Variants in LMNTD1 observed in about 807,000 individuals in gnomAD.
LMNTD1 encodes lamin tail domain containing 1, also known as lamin tail domain-containing protein 1.
Under a neutral mutation model 50.9 loss-of-function variants are expected in LMNTD1, and 35 were observed. The ratio of observed to expected loss-of-function variants is 0.69; its 90% CI spans 0.53 to 0.91. LMNTD1 has a LOEUF of 0.91. Ranked by LOEUF, LMNTD1 falls within the 40% of genes least tolerant of loss-of-function variation. The pLI, the probability that LMNTD1 is intolerant of heterozygous loss-of-function variation, is 0.00. For synonymous variants in LMNTD1, 153 were observed against 161.9 expected (o/e 0.94, Z 0.42); for missense variants, 470 against 475.5 (o/e 0.99, Z 0.11).
chr12:25,527,004 CTT>C (rs890910107), intron 4 of LMNTD1, 49 bp from the exon 5 acceptor site: 1 of 1,292,334 alleles, frequency 7.7e-7, no homozygotes, highest in Non-Finnish European at 1.1e-6. Flanking sequence ...ATAGGAGTGT[CTT>C]TGACTCACTT....
intron 8 of LMNTD1, among the ~76,000 whole-genome samples, chr12:25,514,624 A>C (rs1324133994): frequency 1.3e-5 from 2 of 152,102 alleles, no homozygotes; most frequent in Non-Finnish European, 2.9e-5. Context: ...GACTACAGTC[A>C]ATAATAACTT....
intron 4 of LMNTD1, among the ~76,000 whole-genome samples, chr12:25,536,282 A>T (rs1942575566): frequency 6.6e-6 from 1 of 152,216 alleles, no homozygotes; most frequent in Non-Finnish European, 1.5e-5. Context: ...ATTCTTTTCA[A>T]GTGTACTTGG....
At chr12:25,547,413 ATGTAAG>A (rs1364351016) in intron 3 of LMNTD1, 5 of 151,820 alleles carry the variant, frequency 3.3e-5, no homozygotes, top group Admixed American at 3.3e-4. Context: ...GCTGGAGATC[ATGTAAG>A]TGTCTAGCAT....
At chr12:25,581,958 T>C (rs1489372106) in intron 1 of LMNTD1, among the ~76,000 whole-genome samples, 72 of 152,250 alleles carry the variant, frequency 4.7e-4, no homozygotes, top group Admixed American at 4.6e-3. Context: ...CGAAAGATCT[T>C]TATGCAGGAC....
chr12:25,503,379 C>G (rs1386216545), intron 9 of LMNTD1, among the ~76,000 whole-genome samples: 14 of 152,292 alleles, frequency 9.2e-5, no homozygotes, highest in East Asian at 1.9e-4. Flanking sequence ...AATTAATACT[C>G]TCTTGCTCAT....
At chr12:25,489,648 C>T (rs1938820888) in intron 9 of LMNTD1, among the ~76,000 whole-genome samples, 1 of 152,066 alleles carries the variant, frequency 6.6e-6, no homozygotes, top group African/African-American at 2.4e-5. Context: ...ATCTTGGCTC[C>T]TCCCCTCTCA....
At chr12:25,581,318 T>G (rs1945276738) in intron 1 of LMNTD1, among the ~76,000 whole-genome samples, 1 of 152,202 alleles carries the variant, frequency 6.6e-6, no homozygotes, top group Admixed American at 6.6e-5. Context: ...CTGGATTCAT[T>G]TTCAATGGAG....
chr12:25,491,918 A>G (rs1198505722), intron 9 of LMNTD1, among the ~76,000 whole-genome samples: 1 of 152,206 alleles, frequency 6.6e-6, no homozygotes, highest in Non-Finnish European at 1.5e-5. Context: ...GGGAACATTT[A>G]GGGAGTTGAT....
chr12:25,549,740 A>G (rs74516633), intron 2 of LMNTD1, among the ~76,000 whole-genome samples, 194 bp from the exon 3 acceptor site: 2,717 of 152,218 alleles, frequency 0.018, 83 homozygotes, highest in African/African-American at 0.062. Flanking sequence ...AATATGTTGT[A>G]TGCTTTAAAA....
At chr12:25,564,228 G>C (rs1185602928) in intron 1 of LMNTD1, among the ~76,000 whole-genome samples, 2 of 152,202 alleles carry the variant, frequency 1.3e-5, no homozygotes, top group African/African-American at 4.8e-5. Flanking sequence ...CACGCTGGGA[G>C]CTGCAGACTG....
intron 8 of LMNTD1, among the ~76,000 whole-genome samples, chr12:25,513,245 T>C (rs1223479953): frequency 6.6e-6 from 1 of 152,238 alleles, no homozygotes; most frequent in Non-Finnish European, 1.5e-5. Context: ...TCATTGGAAC[T>C]ATCTCGCATT....
chr12:25,491,177 TA>T, intron 9 of LMNTD1, among the ~76,000 whole-genome samples: 1 of 152,344 alleles, frequency 6.6e-6, no homozygotes, highest in East Asian at 1.9e-4. Context: ...CTTTTTTCTA[TA>T]AAATAATTAC....
rs1945817242 is a variant in LMNTD1, at chr12:25,595,179, A to G, written c.59-48625T>C. ...CTGACAGCACTAGACATCAAAACAG[A>G]AAGTCAACAAAGAAACAATTGATTT... On this transcript the variant is annotated intron_variant, in intron 1 of 7. Coordinates refer to the LMNTD1 transcript ENST00000445693. Among the ~76,000 whole-genome samples, 8 of 152,244 alleles carry G rather than the reference A, an allele frequency of 5.3e-5. No individual in the cohort carries two copies. In the South Asian group the frequency reaches 1.7e-3, roughly 32 times the overall value.
At chr12:25,632,558 T>C (rs1048495936) in intron 1 of LMNTD1, among the ~76,000 whole-genome samples, 6 of 152,176 alleles carry the variant, frequency 3.9e-5, no homozygotes, top group African/African-American at 1.2e-4. Context: ...GCATCAAATA[T>C]GAAGGAAAGA....
chr12:25,477,687 G>A (rs1938315153), intron 9 of LMNTD1, among the ~76,000 whole-genome samples: 1 of 152,044 alleles, frequency 6.6e-6, no homozygotes, highest in African/African-American at 2.4e-5. Flanking sequence ...GAAGGGCCTG[G>A]GTGATTTGTA....
At position 25,518,800 on chromosome 12, in the gene LMNTD1, G is replaced by A. The variant is rs764864720; in HGVS notation, c.1184C>T (p.Ala395Val). 3.1e-6 allele frequency: 5 copies of A among 1,613,874 alleles called. No homozygotes were observed. Among genetic ancestry groups the A allele is most frequent in the Non-Finnish European group, 4.2e-6 (5 of 1,179,912 alleles). Residue 395 changes from alanine to valine, a missense_variant, in exon 8 of 10, where the codon GCC becomes GTC. Transcript: ENST00000458174. ...CAAGCACTCTTTTAACTGACCTGAG[G>A]CTCGATTAGGTCTGGTTGACCGAGT... ...PRTRSTRPNR[A>V]SGSKKKKTSE...
chr12:25,514,568 A>T (rs1940609673), intron 8 of LMNTD1, among the ~76,000 whole-genome samples: 1 of 151,924 alleles, frequency 6.6e-6, no homozygotes. Flanking sequence ...ACAAAAAAAA[A>T]AAAGAAAGAA....
chr12:25,574,212 C>T (rs1294827818), intron 1 of LMNTD1, among the ~76,000 whole-genome samples: 1 of 152,192 alleles, frequency 6.6e-6, no homozygotes, highest in Non-Finnish European at 1.5e-5. Flanking sequence ...TTTATTCCAT[C>T]TCCATGACAA....
At chr12:25,580,104 C>G (rs1945216214) in intron 1 of LMNTD1, among the ~76,000 whole-genome samples, 1 of 152,174 alleles carries the variant, frequency 6.6e-6, no homozygotes, top group Non-Finnish European at 1.5e-5. Context: ...CTATGCCACC[C>G]AGGCTTTGTT....
Sources: allele counts gnomAD v4.1 joint callset (sites outside exome capture counted in the v4.1 genomes callset), GRCh38; gene constraint gnomAD v4.1.1; transcripts MANE v1.5; gene names NCBI Gene and HGNC (gene_info 2026-07-23, HGNC 2026-07-21).